Variants in RBFOX1 observed in about 807,000 individuals in gnomAD.
RBFOX1 encodes RNA binding fox-1 homolog 1, also known as RNA binding protein fox-1 homolog 1.
In RBFOX1, 8 loss-of-function variants were observed where a neutral mutation model predicts 57.7. That is an observed-to-expected ratio of 0.14 (90% confidence interval 0.08 to 0.25). The LOEUF (loss-of-function observed/expected upper bound fraction) is 0.25. Among genes scored for constraint, RBFOX1 ranks in the 10% least tolerant of loss-of-function variants. RBFOX1 has a pLI of 1.00. For missense variants in RBFOX1, 611 were observed against 548.5 expected (o/e 1.11, Z -1.14); for synonymous variants, 326 against 222.4 (o/e 1.47, Z -4.15).
intron 1 of RBFOX1, among the ~76,000 whole-genome samples, chr16:6,242,393 T>C (rs1052399987): frequency 3.1e-4 from 47 of 152,152 alleles, no homozygotes; most frequent in African/African-American, 1.1e-3. Context: ...AAAGTCTTTA[T>C]TTTATTTTAT....
Position 7,535,501 on chromosome 16 carries a change from C to G in RBFOX1, c.270+17112C>G, listed in dbSNP as rs112177912. Among the ~76,000 whole-genome samples the G allele has an allele frequency of 3.1e-3, 467 of 152,310 alleles. 3 individuals carry two copies. The highest frequency in any genetic ancestry group is 0.011 in the South Asian group (52 of 4,824). ...GGGCTAGATGGTGTCAGGAAGGAAG[C>G]TAGATACAGGGAAGGGAGGCCTTCC... is the stretch of plus-strand genomic sequence containing the variant. On this transcript the variant is annotated intron_variant, in intron 5 of 15. Transcript: ENST00000550418.
At chr16:6,915,742 G>C (rs1248131410) in intron 3 of RBFOX1, among the ~76,000 whole-genome samples, 5 of 152,074 alleles carry the variant, frequency 3.3e-5, no homozygotes, top group African/African-American at 1.2e-4. Context: ...TGTAGAGACA[G>C]GGTTTTGCCA....
At chr16:6,816,375 A>T in intron 3 of RBFOX1, among the ~76,000 whole-genome samples, 1 of 152,010 alleles carries the variant, frequency 6.6e-6, no homozygotes, top group Middle Eastern at 3.4e-3. Context: ...CTTTTAGATG[A>T]AAGTCAATCT....
At chr16:7,235,549 A>T (rs1237421790) in intron 4 of RBFOX1, among the ~76,000 whole-genome samples, 1 of 152,162 alleles carries the variant, frequency 6.6e-6, no homozygotes, top group Non-Finnish European at 1.5e-5. Context: ...ATGTACATTG[A>T]ATGGATGTAT....
chr16:6,273,335 T>C (rs1210221180), intron 1 of RBFOX1, among the ~76,000 whole-genome samples: 2 of 148,900 alleles, frequency 1.3e-5, no homozygotes, highest in Non-Finnish European at 3.0e-5. Flanking sequence ...AGTTTGTTGT[T>C]GTTGGTTTTT....
chr16:6,313,017 A>G (rs928243621), intron 1 of RBFOX1, among the ~76,000 whole-genome samples: 20 of 152,158 alleles, frequency 1.3e-4, no homozygotes, highest in Admixed American at 1.0e-3. Context: ...TCTTAAAGCC[A>G]TGTGGTCAGG....
At chr16:6,229,152 C>A (rs541212458) in intron 1 of RBFOX1, among the ~76,000 whole-genome samples, 7 of 152,076 alleles carry the variant, frequency 4.6e-5, no homozygotes, top group Non-Finnish European at 1.0e-4. Flanking sequence ...CATCTCCTTA[C>A]CTTTTACCCC....
chr16:6,564,864 G>C (rs985917500), intron 2 of RBFOX1, among the ~76,000 whole-genome samples: 1 of 152,052 alleles, frequency 6.6e-6, no homozygotes, highest in East Asian at 1.9e-4. Flanking sequence ...TTTGCGGCTG[G>C]GCACGGTGGC....
At chr16:6,590,529 G>C (rs1815209045) in intron 2 of RBFOX1, among the ~76,000 whole-genome samples, 1 of 152,160 alleles carries the variant, frequency 6.6e-6, no homozygotes. Flanking sequence ...TAAATTCAAT[G>C]AGAGCCCCCT....
chr16:6,681,407 T>G (rs2058632380), intron 3 of RBFOX1, among the ~76,000 whole-genome samples: 1 of 152,240 alleles, frequency 6.6e-6, no homozygotes, highest in African/African-American at 2.4e-5. Flanking sequence ...TAGCAAATTT[T>G]TATCAATTGG....
chr16:5,635,114 C>G (rs952821783), intron 3 of RBFOX1, among the ~76,000 whole-genome samples: 3 of 152,148 alleles, frequency 2.0e-5, no homozygotes, highest in African/African-American at 7.2e-5. Flanking sequence ...TATCACTGAA[C>G]TACACTGCTC....
At chr16:7,417,674 G>C (rs911533218) in intron 4 of RBFOX1, among the ~76,000 whole-genome samples, 6 of 152,006 alleles carry the variant, frequency 3.9e-5, no homozygotes, top group African/African-American at 1.5e-4. Context: ...TCCCTGCAGT[G>C]ACCTCCCTCC....
chr16:6,096,869 A>G (rs1474648681), intron 1 of RBFOX1, among the ~76,000 whole-genome samples: 1 of 152,228 alleles, frequency 6.6e-6, no homozygotes, highest in East Asian at 1.9e-4. Context: ...AGGAGTTGGC[A>G]CTGCCAAGTC....
At chr16:5,723,386 TAA>T in intron 3 of RBFOX1, among the ~76,000 whole-genome samples, 1 of 85,856 alleles carries the variant, frequency 1.2e-5, no homozygotes, top group African/African-American at 3.5e-5. Flanking sequence ...AGCTGTGGAT[TAA>T]ACAGTGGCTA....
chr16:7,570,343 T>C (rs1251346308), intron 5 of RBFOX1, among the ~76,000 whole-genome samples: 1 of 152,208 alleles, frequency 6.6e-6, no homozygotes, highest in Non-Finnish European at 1.5e-5. Context: ...GCTACAGTTC[T>C]TATTTTATTT....
chr16:7,180,011 G>A (rs546464610), intron 4 of RBFOX1, among the ~76,000 whole-genome samples: 12 of 152,086 alleles, frequency 7.9e-5, no homozygotes, highest in African/African-American at 2.9e-4. Flanking sequence ...CCAAAGTGCT[G>A]GAAATATAGG....
chr16:5,286,466 G>A (rs541882642), intron 1 of RBFOX1, among the ~76,000 whole-genome samples: 1 of 152,194 alleles, frequency 6.6e-6, no homozygotes, highest in African/African-American at 2.4e-5. Flanking sequence ...CAGGCCCCCA[G>A]ATGGTACATT....
At chr16:5,870,894 C>G (rs2057453431) in intron 4 of RBFOX1, among the ~76,000 whole-genome samples, 1 of 151,490 alleles carries the variant, frequency 6.6e-6, no homozygotes, top group Non-Finnish European at 1.5e-5. Flanking sequence ...TAGAGACAAA[C>G]AGTTGTAATT....
chr16:7,610,264 C>T lies in RBFOX1; in HGVS notation c.676+2926C>T, dbSNP rs534608372. On this transcript the variant is annotated intron_variant, in intron 10 of 15. Transcript: ENST00000550418. ...CCTCTCGAGTAGATGGGATTACAGG[C>T]GTCCACCACCATGCCCGGATCATTT... is the stretch of plus-strand genomic sequence containing the variant. 7.7e-4 allele frequency among the ~76,000 whole-genome samples: 116 copies of T among 150,284 alleles called. 1 individual carries two copies. The highest frequency in any genetic ancestry group is 2.0e-3 in the African/African-American group (83 of 40,698).
Sources: gnomAD v4.1 joint callset for allele counts (sites outside exome capture counted in the v4.1 genomes callset) on GRCh38, gnomAD v4.1.1 for gene constraint, MANE v1.5 for transcripts, NCBI Gene and HGNC (gene_info 2026-07-23, HGNC 2026-07-21) for gene names.